Variants in ARHGAP5 observed in about 807,000 individuals in gnomAD.
ARHGAP5 encodes the protein rho GTPase-activating protein 5.
Under a neutral mutation model 116.6 loss-of-function variants are expected in ARHGAP5, and 23 were observed. That is an observed-to-expected ratio of 0.20 (90% CI 0.14 to 0.28). The LOEUF (loss-of-function observed/expected upper bound fraction) is 0.28. Among genes scored for constraint, ARHGAP5 ranks in the 10% least tolerant of loss-of-function variants. The probability of loss-of-function intolerance (pLI) is 1.00; values close to 1 mark genes in which losing one functional copy is unlikely to be tolerated. For missense variants in ARHGAP5, 1,405 were observed against 1,774.8 expected (o/e 0.79, Z 3.74); for synonymous variants, 574 against 602.0 (o/e 0.95, Z 0.68).
intron 1 of ARHGAP5, among the ~76,000 whole-genome samples, chr14:32,085,123 G>A (rs1259677443): frequency 6.6e-6 from 1 of 152,058 alleles, no homozygotes; most frequent in East Asian, 1.9e-4. Context: ...ACTTTTCACA[G>A]CATTGATAAA....
chr14:32,124,651 G>A (rs748978936), intron 3 of ARHGAP5, among the ~76,000 whole-genome samples: 10 of 152,150 alleles, frequency 6.6e-5, no homozygotes, highest in Non-Finnish European at 1.2e-4. Context: ...GAAAATAGAA[G>A]TTATAATGAG....
At chr14:32,152,568 C>A in intron 6 of ARHGAP5, 40 bp downstream of exon 6, 2 of 1,092,980 alleles carry the variant, frequency 1.8e-6, no homozygotes, top group Non-Finnish European at 1.3e-6. Flanking sequence ...AAATAAAATG[C>A]ACTACACATT....
At chr14:32,122,213 G>A (rs1298860284) in intron 3 of ARHGAP5, among the ~76,000 whole-genome samples, 1 of 152,130 alleles carries the variant, frequency 6.6e-6, no homozygotes. Context: ...AGTCATATAA[G>A]TGGTAATGTG....
At chr14:32,110,080 T>G (rs568680528) in intron 2 of ARHGAP5, among the ~76,000 whole-genome samples, 9 of 152,288 alleles carry the variant, frequency 5.9e-5, no homozygotes, top group African/African-American at 2.2e-4. Context: ...AGAAGAGACC[T>G]CAAGTATCTC....
Position 32,126,231 on chromosome 14 carries a change from G to T in ARHGAP5, c.3865+8944G>T, listed in dbSNP as rs561243614. Among the ~76,000 whole-genome samples, 97 of 148,904 alleles carry T rather than the reference G, an allele frequency of 6.5e-4. 2 individuals are homozygous for T. The highest frequency in any genetic ancestry group is 5.2e-3 in the South Asian group (24 of 4,616). ...ATGATATCAGCTGTGGGTTTTTTTT[G>T]TTTGTTTGTTTTTTTGAGATGGAGT... On this transcript the variant is annotated intron_variant, in intron 3 of 6. Coordinates refer to ENST00000345122, the MANE Select transcript of ARHGAP5 (RefSeq NM_001030055.2).
chr14:32,115,929 A>T (rs539753165), intron 2 of ARHGAP5, among the ~76,000 whole-genome samples: 12 of 150,566 alleles, frequency 8.0e-5, no homozygotes, highest in African/African-American at 2.9e-4. Context: ...CGGGAGGCGG[A>T]GGTTGCAGTG....
chr14:32,127,667 C>T (rs1478397226), intron 3 of ARHGAP5, among the ~76,000 whole-genome samples: 1 of 152,220 alleles, frequency 6.6e-6, no homozygotes, highest in Non-Finnish European at 1.5e-5. Context: ...CATCATGGCC[C>T]GTTCTCAATG....
chr14:32,093,593 A>G lies in ARHGAP5; in HGVS notation c.2924A>G (p.Tyr975Cys), dbSNP rs140808667. The part of the protein sequence containing the change: ...FLPSPRDCFP[Y>C]NNYPDSDDDT... The stretch of plus-strand genomic sequence containing the variant: ...CCATCTCCCAGAGACTGTTTTCCCT[A>G]TAATAACTACCCTGATTCAGATGAT... Residue 975 changes from tyrosine to cysteine, a missense_variant, in exon 2 of 7, where the codon TAT becomes TGT. This residue lies in a region of ARHGAP5 where 944 missense variants were observed against 1,095.3 expected (regional missense o/e 0.86). Transcript: ENST00000345122. The G allele has an allele frequency of 2.7e-5, 44 of 1,613,834 alleles. No individual in the cohort carries two copies. The highest frequency in any genetic ancestry group is 4.0e-5 in the African/African-American group (3 of 74,922).
At chr14:32,102,028 T>C (rs1275693769) in intron 2 of ARHGAP5, among the ~76,000 whole-genome samples, 1 of 152,146 alleles carries the variant, frequency 6.6e-6, no homozygotes, top group Non-Finnish European at 1.5e-5. Context: ...ACAGATCTGA[T>C]GGGATAGGCT....
intron 3 of ARHGAP5, among the ~76,000 whole-genome samples, chr14:32,136,770 G>A (rs1880826235): frequency 6.6e-6 from 1 of 152,106 alleles, no homozygotes; most frequent in Non-Finnish European, 1.5e-5. Flanking sequence ...ACCAACACTT[G>A]CTGTTTTCCA....
intron 2 of ARHGAP5, among the ~76,000 whole-genome samples, chr14:32,108,146 G>A (rs574882719): frequency 6.6e-6 from 1 of 152,176 alleles, no homozygotes; most frequent in African/African-American, 2.4e-5. Context: ...GAATGGTAGG[G>A]AAAGCCAGAT....
At chr14:32,102,771 T>C (rs1299617682) in intron 2 of ARHGAP5, among the ~76,000 whole-genome samples, 2 of 152,200 alleles carry the variant, frequency 1.3e-5, no homozygotes, top group East Asian at 3.9e-4. Context: ...GCCTTTGTTT[T>C]TGTAAAAGAA....
chr14:32,131,890 G>C (rs1880517927), intron 3 of ARHGAP5, among the ~76,000 whole-genome samples: 1 of 152,196 alleles, frequency 6.6e-6, no homozygotes, highest in South Asian at 2.1e-4. Context: ...CAGTTTCATT[G>C]ATGTCCCTAC....
At position 32,092,885 on chromosome 14, in the gene ARHGAP5, G is replaced by A. The variant is rs757199082; in HGVS notation, c.2216G>A (p.Arg739His). ...GATGTACCTGCTGGTACATATCCTCGTAAATTTAATGAAACCCAAATAAAG... is the reference window on the plus strand; with the variant it reads ...GATGTACCTGCTGGTACATATCCTCATAAATTTAATGAAACCCAAATAAAG... ...FVDVPAGTYPRKFNETQIKQA... is the reference protein window; with the variant it reads ...FVDVPAGTYPHKFNETQIKQA... Residue 739 changes from arginine to histidine, a missense_variant, in exon 2 of 7, where the codon CGT becomes CAT. Arg to His is a conservative substitution (Grantham distance 29). Transcript: ENST00000345122. This position sits in a 1 kb window ranked among gnomAD's most constrained non-coding sequence, Gnocchi z 4.1. The A allele has an allele frequency of 1.7e-5, 27 of 1,613,778 alleles. No homozygotes were observed. The highest frequency in any genetic ancestry group is 1.0e-4 in the Admixed American group (6 of 59,974).
Position 32,087,383 on chromosome 14 carries a change from A to G in ARHGAP5, c.-168-3119A>G, listed in dbSNP as rs140845844. Among the ~76,000 whole-genome samples, 886 of 151,904 alleles carry G rather than the reference A, an allele frequency of 5.8e-3. 13 individuals carry two copies. The highest frequency in any genetic ancestry group is 0.02 in the African/African-American group (840 of 41,422). Reference sequence around the variant, plus strand: ...TTTTGTCCATTGAGGTGGTAATACCATACTCATCCAAACAAATAGCCAAAC... The same window carrying G: ...TTTTGTCCATTGAGGTGGTAATACCGTACTCATCCAAACAAATAGCCAAAC... On this transcript the variant is annotated intron_variant, in intron 1 of 6. Transcript: ENST00000345122.
intron 2 of ARHGAP5, among the ~76,000 whole-genome samples, chr14:32,096,912 G>A (rs994577194): frequency 6.6e-6 from 1 of 152,174 alleles, no homozygotes; most frequent in African/African-American, 2.4e-5. Context: ...CAGGTCTACA[G>A]ACCCTTAACC....
intron 3 of ARHGAP5, among the ~76,000 whole-genome samples, chr14:32,124,425 G>T (rs1301160386): frequency 1.3e-5 from 2 of 152,120 alleles, no homozygotes; most frequent in African/African-American, 4.8e-5. Flanking sequence ...GTTGTGCTAG[G>T]TTCCAGTTGG....
chr14:32,097,885 TATCAAGTCCCCAGGAATA>T (rs1243827241), intron 2 of ARHGAP5, among the ~76,000 whole-genome samples: 2 of 152,194 alleles, frequency 1.3e-5, no homozygotes, highest in African/African-American at 4.8e-5. Context: ...CATGACAGAT[TATCAAGTCCCCAGGAATA>T]ATTAATGTGT....
intron 2 of ARHGAP5, among the ~76,000 whole-genome samples, chr14:32,111,868 A>T: frequency 8.6e-6 from 1 of 116,820 alleles, no homozygotes; most frequent in African/African-American, 3.4e-5. Flanking sequence ...TTTTTGACAG[A>T]GTCTCGCTCT....
Sources: gnomAD v4.1 joint callset for allele counts (sites outside exome capture counted in the v4.1 genomes callset) on GRCh38, gnomAD v4.1.1 for gene constraint, gnomAD v4.1.1 regional missense constraint, Gnocchi (gnomAD v3.1) non-coding constraint, MANE v1.5 for transcripts, NCBI Gene and HGNC (gene_info 2026-07-23, HGNC 2026-07-21) for gene names.